HSD17B12: variants seen among roughly 807,000 people sequenced by gnomAD.
The protein encoded by HSD17B12 is hydroxysteroid 17-beta dehydrogenase 12.
A neutral mutation model predicts 39.3 loss-of-function variants in HSD17B12; 32 were observed. The observed-to-expected ratio is 0.81, with a 90% CI of 0.61 to 1.09. The LOEUF (loss-of-function observed/expected upper bound fraction) is 1.09, where lower values mean the gene tolerates loss of function less well. HSD17B12 is among the 50% of genes least tolerant of loss of function. The pLI is 0.00. For missense variants in HSD17B12, 342 were observed against 382.9 expected (o/e 0.89, Z 0.89); for synonymous variants, 150 against 146.7 (o/e 1.02, Z -0.16).
chr11:43,755,069 T>G, intron 3 of HSD17B12: 1 of 416,864 alleles, frequency 2.4e-6, no homozygotes, highest in Non-Finnish European at 4.2e-6. Context: ...ACAAATCAAA[T>G]TGTTTACTTA....
chr11:43,696,805 A>G (rs1949916011), intron 1 of HSD17B12, among the ~76,000 whole-genome samples: 1 of 152,150 alleles, frequency 6.6e-6, no homozygotes, highest in Admixed American at 6.5e-5. Flanking sequence ...AATGTGGTAC[A>G]TACACACCAT....
intron 6 of HSD17B12, among the ~76,000 whole-genome samples, chr11:43,824,822 C>T (rs190383327): frequency 6.6e-6 from 1 of 152,252 alleles, no homozygotes; most frequent in African/African-American, 2.4e-5. Flanking sequence ...ATAGTGAAAC[C>T]CCATCTCTAC....
chr11:43,646,683 C>T, the HSD17B12 span, among the ~76,000 whole-genome samples: 1 of 152,156 alleles, frequency 6.6e-6, no homozygotes, highest in African/African-American at 2.4e-5. Context: ...CTCATCTCTG[C>T]ATTTGCATAG....
chr11:43,683,068 A>G (rs1949765280), intron 1 of HSD17B12, among the ~76,000 whole-genome samples: 1 of 149,232 alleles, frequency 6.7e-6, no homozygotes, highest in African/African-American at 2.5e-5. Context: ...CTGGGATTAC[A>G]TGTGTGAGCC....
At chr11:43,806,389 A>G (rs1173242435) in intron 4 of HSD17B12, 2 of 152,190 alleles carry the variant, frequency 1.3e-5, no homozygotes, top group African/African-American at 2.4e-5. Context: ...TCTGCACTCT[A>G]TGTTTATTGC....
At chr11:43,847,547 A>G (rs1951488387) in intron 9 of HSD17B12, among the ~76,000 whole-genome samples, 1 of 151,942 alleles carries the variant, frequency 6.6e-6, no homozygotes, top group Non-Finnish European at 1.5e-5. Context: ...TCTACAAAAA[A>G]TAGAAATACA....
intron 1 of HSD17B12, among the ~76,000 whole-genome samples, chr11:43,687,076 G>T (rs1311601757): frequency 6.6e-6 from 1 of 152,124 alleles, no homozygotes; most frequent in Non-Finnish European, 1.5e-5. Flanking sequence ...ATGGGTAAAC[G>T]GATTTGAATA....
the HSD17B12 span, among the ~76,000 whole-genome samples, chr11:43,636,904 GA>G: frequency 6.6e-6 from 1 of 152,144 alleles, no homozygotes; most frequent in African/African-American, 2.4e-5. Flanking sequence ...GGGGCACATG[GA>G]AATCACCTCA....
the HSD17B12 span, among the ~76,000 whole-genome samples, chr11:43,560,054 C>T: frequency 6.6e-6 from 1 of 152,042 alleles, no homozygotes; most frequent in African/African-American, 2.4e-5. Flanking sequence ...TCATGTGGTG[C>T]TAAATAAAAA....
intron 1 of HSD17B12, among the ~76,000 whole-genome samples, chr11:43,741,734 C>CTTT (rs534584200): frequency 1.5e-5 from 2 of 130,498 alleles, no homozygotes; most frequent in Non-Finnish European, 1.7e-5. Flanking sequence ...TTTTCTTTTT[C>CTTT]TTTTTTTTTT....
intron 3 of HSD17B12, among the ~76,000 whole-genome samples, chr11:43,756,347 A>C (rs1950507657): frequency 6.6e-6 from 1 of 152,110 alleles, no homozygotes; most frequent in African/African-American, 2.4e-5. Flanking sequence ...CAGCTATGTA[A>C]ATGCAACCCC....
chr11:43,760,918 G>A (rs1344674450), intron 3 of HSD17B12, among the ~76,000 whole-genome samples: 2 of 152,150 alleles, frequency 1.3e-5, no homozygotes, highest in African/African-American at 2.4e-5. Context: ...GAGTTTATAT[G>A]TTACAGGGCC....
chr11:43,623,283 A>G, the HSD17B12 span, among the ~76,000 whole-genome samples: 1 of 152,184 alleles, frequency 6.6e-6, no homozygotes, highest in Non-Finnish European at 1.5e-5. Flanking sequence ...CTGTTGGAGA[A>G]ATCAGCTAAC....
intron 1 of HSD17B12, among the ~76,000 whole-genome samples, chr11:43,695,416 TAA>T (rs1395219039): frequency 1.3e-5 from 2 of 151,846 alleles, no homozygotes; most frequent in African/African-American, 4.8e-5. Flanking sequence ...CGGTCTCTAC[TAA>T]AAATACAAAA....
intron 6 of HSD17B12, among the ~76,000 whole-genome samples, chr11:43,828,371 T>C (rs1178135720): frequency 3.3e-4 from 2 of 5,976 alleles, no homozygotes; most frequent in African/African-American, 6.3e-4. Context: ...CTCGATCTCC[T>C]GACCTCGTGA....
At chr11:43,828,288 G>C (rs1417808392) in intron 6 of HSD17B12, among the ~76,000 whole-genome samples, 2 of 147,542 alleles carry the variant, frequency 1.4e-5, no homozygotes, top group Non-Finnish European at 3.0e-5. Flanking sequence ...GACTACAGGC[G>C]CCCGCCACTA....
intron 1 of HSD17B12, among the ~76,000 whole-genome samples, chr11:43,720,764 T>C (rs1186064356): frequency 2.0e-5 from 3 of 152,200 alleles, no homozygotes; most frequent in African/African-American, 7.2e-5. Context: ...GAAGATTTAC[T>C]ATAGGTGAGA....
chr11:43,621,526 G>A, the HSD17B12 span, among the ~76,000 whole-genome samples: 3 of 152,058 alleles, frequency 2.0e-5, no homozygotes, highest in Admixed American at 1.3e-4. Context: ...ACCAGCCTGG[G>A]CAACATGGCG....
chr11:43,573,217 T>C, the HSD17B12 span, among the ~76,000 whole-genome samples: 1 of 152,210 alleles, frequency 6.6e-6, no homozygotes, highest in African/African-American at 2.4e-5. Context: ...TTAGCTTGAC[T>C]GCTCAGACAG....
Sources: gnomAD v4.1 joint callset for allele counts (sites outside exome capture counted in the v4.1 genomes callset) on GRCh38, gnomAD v4.1.1 for gene constraint, MANE v1.5 for transcripts, NCBI Gene and HGNC (gene_info 2026-07-23, HGNC 2026-07-21) for gene names.